The following SLC1A2 variants were observed in gnomAD, a reference collection of about 807,000 sequenced individuals.
The protein encoded by SLC1A2 is excitatory amino acid transporter 2.
In SLC1A2, 15 loss-of-function variants were observed where a neutral mutation model predicts 48.8. That is an observed-to-expected ratio of 0.31 (90% confidence interval 0.21 to 0.47). SLC1A2 has a LOEUF of 0.47. Among genes scored for constraint, SLC1A2 ranks in the 20% least tolerant of loss-of-function variants. The pLI is 0.99. For synonymous variants in SLC1A2, 279 were observed against 272.6 expected, an observed-to-expected ratio of 1.02 and a Z score of -0.23; for missense variants, 502 against 730.5, an observed-to-expected ratio of 0.69 and a Z score of 3.61.
intron 1 of SLC1A2, among the ~76,000 whole-genome samples, chr11:35,397,605 A>G (rs1411308347): frequency 1.3e-5 from 2 of 152,146 alleles, no homozygotes; most frequent in Non-Finnish European, 2.9e-5. Flanking sequence ...TTACCCTCCA[A>G]ACTTCTTATG....
chr11:35,361,964 A>T (rs2135131667), intron 1 of SLC1A2, among the ~76,000 whole-genome samples: 1 of 152,338 alleles, frequency 6.6e-6, no homozygotes, highest in South Asian at 2.1e-4. Flanking sequence ...TGATAGACAC[A>T]GTGAGACCCT....
chr11:35,292,277 T>G lies in SLC1A2; in HGVS notation c.1091+10A>C. 2 of 1,592,642 alleles carry G rather than the reference T, an allele frequency of 1.3e-6. No homozygotes were observed. Among genetic ancestry groups the G allele is most frequent in the South Asian group, 2.2e-5 (2 of 90,156 alleles). ...GAGCAAAGAGAAAGGTGATTTCTTT[T>G]GTTCTCTACCTGGAAGCGGTGCCCA... On this transcript the variant is annotated intron_variant, in intron 7 of 10. Coordinates refer to ENST00000278379, the MANE Select transcript of SLC1A2 (RefSeq NM_004171.4).
intron 1 of SLC1A2, among the ~76,000 whole-genome samples, chr11:35,382,805 A>C (rs1182307026): frequency 6.6e-6 from 1 of 152,176 alleles, no homozygotes; most frequent in Non-Finnish European, 1.5e-5. Flanking sequence ...CAAAAAAAAA[A>C]AAAAGTCCTC....
chr11:35,359,776 A>G (rs1853610273), intron 1 of SLC1A2, among the ~76,000 whole-genome samples: 1 of 152,216 alleles, frequency 6.6e-6, no homozygotes, highest in Non-Finnish European at 1.5e-5. Flanking sequence ...TTTCCTGAAA[A>G]TCAGATTATA....
intron 4 of SLC1A2, among the ~76,000 whole-genome samples, chr11:35,311,927 G>C (rs1208775394): frequency 2.7e-4 from 4 of 14,616 alleles, no homozygotes; most frequent in African/African-American, 4.4e-4. Flanking sequence ...AGAGAGGCGG[G>C]GGGGGGGGGT....
intron 8 of SLC1A2, 21 bp downstream of exon 8, chr11:35,286,736 G>A (rs1425314820): frequency 6.3e-7 from 1 of 1,590,180 alleles, no homozygotes; most frequent in Admixed American, 1.7e-5. Flanking sequence ...GTTGTTTTGT[G>A]TTTTACCCCA....
Position 35,256,161 on chromosome 11 carries a change from C to T in SLC1A2, c.*4733G>A, listed in dbSNP as rs1361872704. On this transcript the variant is annotated 3_prime_UTR_variant, in exon 11 of 11. Coordinates refer to ENST00000278379, the MANE Select transcript of SLC1A2 (RefSeq NM_004171.4). Reference sequence around the variant, plus strand: ...TGTAAGTCATACAGCTAAAAATGGGCAGAGTCTAAATCAAATGTTCCCTCT... The same window carrying T: ...TGTAAGTCATACAGCTAAAAATGGGTAGAGTCTAAATCAAATGTTCCCTCT... The T allele has an allele frequency of 6.6e-6, 1 of 152,202 alleles. No individual in the cohort carries two copies. Among genetic ancestry groups the T allele is most frequent in the East Asian group, 1.9e-4 (1 of 5,200 alleles). The allele number at this position is 152,202 out of a possible 1,614,324, so 9.4% of individuals were successfully genotyped here.
intron 1 of SLC1A2, among the ~76,000 whole-genome samples, chr11:35,392,521 G>C (rs1392065011): frequency 1.3e-5 from 2 of 152,238 alleles, no homozygotes; most frequent in Non-Finnish European, 2.9e-5. Flanking sequence ...GGAATTCCCA[G>C]AGTCAATCAG....
At chr11:35,354,777 G>A (rs1384470064) in intron 1 of SLC1A2, among the ~76,000 whole-genome samples, 1 of 152,140 alleles carries the variant, frequency 6.6e-6, no homozygotes, top group Non-Finnish European at 1.5e-5. Context: ...TGTCACCCAA[G>A]AACACATCTG....
chr11:35,287,946 G>A (rs1227713073), intron 7 of SLC1A2, among the ~76,000 whole-genome samples: 1 of 152,162 alleles, frequency 6.6e-6, no homozygotes. Context: ...AAGTGAATTA[G>A]AAAACCTGCA....
chr11:35,288,121 T>C (rs1591431783), intron 7 of SLC1A2, among the ~76,000 whole-genome samples: 1 of 152,130 alleles, frequency 6.6e-6, no homozygotes, highest in Non-Finnish European at 1.5e-5. Context: ...GGAAGCTAAA[T>C]GAAATGAAGA....
At chr11:35,401,518 C>A (rs1178979675) in intron 1 of SLC1A2, among the ~76,000 whole-genome samples, 1 of 152,160 alleles carries the variant, frequency 6.6e-6, no homozygotes, top group Non-Finnish European at 1.5e-5. Flanking sequence ...AAATGTTCAA[C>A]CACCCATCCT....
At chr11:35,294,722 C>CA (rs1429532342) in intron 6 of SLC1A2, among the ~76,000 whole-genome samples, 2 of 151,896 alleles carry the variant, frequency 1.3e-5, no homozygotes, top group African/African-American at 2.4e-5. Flanking sequence ...GGCTCTTTGC[C>CA]AAAAAAAGAC....
At chr11:35,342,490 G>C (rs1179680417) in intron 1 of SLC1A2, among the ~76,000 whole-genome samples, 1 of 151,680 alleles carries the variant, frequency 6.6e-6, no homozygotes, top group Non-Finnish European at 1.5e-5. Context: ...ATTTCTCTCA[G>C]ATGTAATGTA....
chr11:35,355,861 G>A (rs1016902733), intron 1 of SLC1A2, among the ~76,000 whole-genome samples: 2 of 148,886 alleles, frequency 1.3e-5, no homozygotes, highest in African/African-American at 5.0e-5. Context: ...CTCCAACCTA[G>A]GCAACAGAGC....
chr11:35,263,812 A>G (rs754528071), intron 10 of SLC1A2, among the ~76,000 whole-genome samples: 7 of 152,320 alleles, frequency 4.6e-5, no homozygotes, highest in Middle Eastern at 3.4e-3. Context: ...GGCTTTATAG[A>G]TAATAGGCAT....
intron 9 of SLC1A2, among the ~76,000 whole-genome samples, chr11:35,268,759 T>C (rs1464068791): frequency 1.3e-5 from 2 of 152,188 alleles, no homozygotes; most frequent in African/African-American, 4.8e-5. Context: ...GGTAATATTA[T>C]TCGTATTTAC....
intron 1 of SLC1A2, among the ~76,000 whole-genome samples, chr11:35,329,775 T>C (rs1182346977): frequency 2.6e-5 from 4 of 152,210 alleles, no homozygotes; most frequent in Non-Finnish European, 4.4e-5. Flanking sequence ...TAGCTTTGAC[T>C]ATTAAGAAGC....
At chr11:35,391,589 C>T (rs149820960) in intron 1 of SLC1A2, 1 of 152,322 alleles carries the variant, frequency 6.6e-6, no homozygotes, top group African/African-American at 2.4e-5. Flanking sequence ...ACCAATCAGC[C>T]CACCTGACCG....
Sources: allele counts gnomAD v4.1 joint callset (sites outside exome capture counted in the v4.1 genomes callset), GRCh38; gene constraint gnomAD v4.1.1; transcripts MANE v1.5; gene names NCBI Gene and HGNC (gene_info 2026-07-23, HGNC 2026-07-21).